AGO3: variants seen among roughly 807,000 people sequenced by gnomAD.
AGO3 encodes the protein argonaute RISC catalytic component 3, also known as protein argonaute-3.
Under a neutral mutation model 105.5 loss-of-function variants are expected in AGO3, and 16 were observed. The observed-to-expected ratio is 0.15, with a 90% CI of 0.10 to 0.23. AGO3 has a LOEUF of 0.23. Ranked by LOEUF, AGO3 falls within the 10% of genes least tolerant of loss-of-function variation. The probability of loss-of-function intolerance (pLI) is 1.00; values close to 1 mark genes in which losing one functional copy is unlikely to be tolerated. For synonymous variants in AGO3, 340 were observed against 367.3 expected (o/e 0.93, Z 0.85); for missense variants, 534 against 1,088.0 (o/e 0.49, Z 7.16).
chr1:36,008,709 T>A lies in AGO3; in HGVS notation c.813T>A (p.Thr271=), dbSNP rs759397717. The part of the protein sequence containing the change: ...KEIKGLKVEV[T]HCGTMRRKYR... ...GAACAGGTTTGAAGGTTGAAGTGAC[T>A]CATTGTGGAACAATGAGACGGAAAT... The change falls in exon 7 of 19, where the codon ACT becomes ACA. Residue 271 remains threonine (T), a synonymous_variant. Coordinates refer to ENST00000373191, the MANE Select transcript of AGO3 (RefSeq NM_024852.4). The surrounding 1 kb of genome is among the most constrained non-coding windows in gnomAD (Gnocchi z 5.1). 6.2e-7 allele frequency: 1 copy of A among 1,614,130 alleles called. No homozygotes were observed. Among genetic ancestry groups the A allele is most frequent in the Non-Finnish European group, 8.5e-7 (1 of 1,180,006 alleles).
intron 17 of AGO3, among the ~76,000 whole-genome samples, chr1:36,043,895 A>C (rs1039234377): frequency 1.3e-5 from 2 of 152,072 alleles, no homozygotes; most frequent in Non-Finnish European, 2.9e-5. Context: ...AAGAGAAAGC[A>C]CTATTTTGCT....
At chr1:35,987,599 A>G (rs550535715) in intron 5 of AGO3, among the ~76,000 whole-genome samples, 1 of 152,178 alleles carries the variant, frequency 6.6e-6, no homozygotes, top group Non-Finnish European at 1.5e-5. Context: ...GGACAAATAC[A>G]CACCAATTTC....
chr1:35,997,691 A>T (rs902154360), intron 5 of AGO3, among the ~76,000 whole-genome samples: 3 of 152,096 alleles, frequency 2.0e-5, no homozygotes, highest in Non-Finnish European at 4.4e-5. Context: ...GTCAAGGAGC[A>T]TCTGTATTCT....
In AGO3 at chr1:36,004,385, A is replaced by G; in HGVS notation, c.703A>G (p.Met235Val). 1 of 1,610,346 alleles carries G rather than the reference A, an allele frequency of 6.2e-7. No individual in the cohort carries two copies. Among genetic ancestry groups the G allele is most frequent in the Non-Finnish European group, 8.5e-7 (1 of 1,177,570 alleles). ...FYKAQPVIQF[M>V]CEVLDIHNID... Reference sequence around the variant, plus strand: ...CAAAGCACAACCTGTAATTCAGTTCATGTGTGAAGTTCTTGATATTCATAA... The same window carrying G: ...CAAAGCACAACCTGTAATTCAGTTCGTGTGTGAAGTTCTTGATATTCATAA... The change falls in exon 6 of 19, where the codon ATG (methionine) becomes GTG (valine). Residue 235 changes from methionine to valine, a missense_variant. Coordinates refer to ENST00000373191, the MANE Select transcript of AGO3 (RefSeq NM_024852.4).
At chr1:35,964,208 G>C (rs1646732032) in intron 2 of AGO3, among the ~76,000 whole-genome samples, 1 of 152,014 alleles carries the variant, frequency 6.6e-6, no homozygotes, top group African/African-American at 2.4e-5. Flanking sequence ...TTGTGTCATG[G>C]GTTTATTGTC....
chr1:36,001,599 A>C (rs567294863), intron 5 of AGO3, among the ~76,000 whole-genome samples: 1 of 152,342 alleles, frequency 6.6e-6, no homozygotes, highest in South Asian at 2.1e-4. Context: ...CAGCAATTAA[A>C]GGGTGTACTG....
intron 5 of AGO3, among the ~76,000 whole-genome samples, chr1:36,000,701 T>G (rs900794239): frequency 2.6e-5 from 4 of 152,004 alleles, no homozygotes; most frequent in African/African-American, 4.8e-5. Context: ...AACTTAAATT[T>G]GATATGTATC....
At position 35,990,237 on chromosome 1, in the gene AGO3, G is replaced by A. The variant is rs1011699286; in HGVS notation, c.659-14104G>A. Among the ~76,000 whole-genome samples the A allele has an allele frequency of 4.6e-5, 7 of 152,216 alleles. No individual in the cohort carries two copies. The South Asian group carries it at 1.5e-3, about 32-fold the overall frequency. On this transcript the variant is annotated intron_variant, in intron 5 of 18. Transcript: ENST00000373191. Reference sequence around the variant, plus strand: ...TAAATTTATTTTTGTGGCCAGGCACGGTGGCTCACGCCTGTAATCCCAGCA... The same window carrying A: ...TAAATTTATTTTTGTGGCCAGGCACAGTGGCTCACGCCTGTAATCCCAGCA...
At position 36,062,987 on chromosome 1, in the gene AGO3, A is replaced by G. The variant is rs1031517394; in HGVS notation, c.*7242A>G. Reference sequence around the variant, plus strand: ...TATTGGCAATTTGTATGCAACTTTTATATTTTGCTTGTCGGTTTTAAGGTA... The same window carrying G: ...TATTGGCAATTTGTATGCAACTTTTGTATTTTGCTTGTCGGTTTTAAGGTA... On this transcript the variant is annotated 3_prime_UTR_variant, in exon 19 of 19. Transcript: ENST00000373191. The G allele has an allele frequency of 6.6e-6, 1 of 152,098 alleles. No individual in the cohort carries two copies. Among genetic ancestry groups the G allele is most frequent in the Non-Finnish European group, 1.5e-5 (1 of 68,008 alleles). The allele number at this position is 152,098 out of a possible 1,614,324, so 9.4% of individuals were successfully genotyped here.
intron 1 of AGO3, among the ~76,000 whole-genome samples, chr1:35,941,006 C>G (rs1646243417): frequency 6.6e-6 from 1 of 152,122 alleles, no homozygotes; most frequent in Admixed American, 6.6e-5. Context: ...CAGCCTGGAC[C>G]TCTCCTCTGA....
intron 1 of AGO3, among the ~76,000 whole-genome samples, chr1:35,935,234 G>T (rs1308039994): frequency 6.6e-6 from 1 of 152,128 alleles, no homozygotes; most frequent in Non-Finnish European, 1.5e-5. Flanking sequence ...AACAAAAATT[G>T]AGACATAAAA....
At chr1:35,972,901 T>G (rs1646894648) in intron 4 of AGO3, among the ~76,000 whole-genome samples, 1 of 149,128 alleles carries the variant, frequency 6.7e-6, no homozygotes, top group African/African-American at 2.5e-5. Context: ...CTCCCTATGT[T>G]GCCCAGGCTG....
intron 5 of AGO3, among the ~76,000 whole-genome samples, chr1:35,979,652 G>A (rs1647015310): frequency 6.6e-6 from 1 of 151,812 alleles, no homozygotes; most frequent in Admixed American, 6.6e-5. Context: ...TCCATTTTCT[G>A]AATGTTGCTA....
At chr1:36,040,174 A>T in intron 15 of AGO3, 133 bp from the exon 16 acceptor site, 2 of 1,185,396 alleles carry the variant, frequency 1.7e-6, no homozygotes. Context: ...TGTTCTAATA[A>T]TCGTTAAAAT....
At chr1:36,044,925 G>A (rs568477495) in intron 17 of AGO3, among the ~76,000 whole-genome samples, 1 of 152,208 alleles carries the variant, frequency 6.6e-6, no homozygotes, top group Admixed American at 6.5e-5. Context: ...AACTATTTTA[G>A]GTTACTTGCC....
chr1:36,029,055 T>G (rs548378417), intron 12 of AGO3, among the ~76,000 whole-genome samples: 14 of 152,280 alleles, frequency 9.2e-5, no homozygotes, highest in Admixed American at 9.2e-4. Flanking sequence ...TATACTTCCT[T>G]GATATATAGC....
intron 1 of AGO3, among the ~76,000 whole-genome samples, chr1:35,939,092 C>T (rs552375344): frequency 6.6e-6 from 1 of 152,016 alleles, no homozygotes. Context: ...AGTTATATTT[C>T]CAACTCTAGT....
intron 2 of AGO3, among the ~76,000 whole-genome samples, chr1:35,960,938 T>C (rs1459651347): frequency 6.6e-6 from 1 of 151,792 alleles, no homozygotes; most frequent in African/African-American, 2.4e-5. Context: ...TTTTCTTTTT[T>C]TTTTTTTATT....
At chr1:36,026,315 C>T (rs955627341) in intron 11 of AGO3, among the ~76,000 whole-genome samples, 2 of 151,992 alleles carry the variant, frequency 1.3e-5, no homozygotes, top group Admixed American at 1.3e-4. Context: ...GCCATGTTGG[C>T]CAAGCTGGTC....
Sources: allele counts gnomAD v4.1 joint callset (sites outside exome capture counted in the v4.1 genomes callset), GRCh38; gene constraint gnomAD v4.1.1; non-coding constraint Gnocchi (gnomAD v3.1); transcripts MANE v1.5; gene names NCBI Gene and HGNC (gene_info 2026-07-23, HGNC 2026-07-21).